Variants in COL25A1 observed in about 807,000 individuals in gnomAD.
COL25A1 encodes the protein collagen type XXV alpha 1 chain, also known as collagen alpha-1(XXV) chain.
In COL25A1, 103 loss-of-function variants were observed where a neutral mutation model predicts 128.4. The observed-to-expected ratio is 0.80, with a 90% CI of 0.68 to 0.94. The LOEUF (loss-of-function observed/expected upper bound fraction) is 0.94, where lower values mean the gene tolerates loss of function less well. Ranked by LOEUF, COL25A1 falls within the 40% of genes least tolerant of loss-of-function variation. The pLI, the probability that COL25A1 is intolerant of heterozygous loss-of-function variation, is 0.00. For missense variants in COL25A1, 745 were observed against 840.0 expected (o/e 0.89, Z 1.40); for synonymous variants, 279 against 277.2 (o/e 1.01, Z -0.06).
intron 6 of COL25A1, among the ~76,000 whole-genome samples, chr4:108,995,278 C>T (rs1249026544): frequency 6.6e-6 from 1 of 152,114 alleles, no homozygotes; most frequent in Non-Finnish European, 1.5e-5. Context: ...GCTTAAATGA[C>T]CTGATGGAGC....
At chr4:109,004,940 C>T (rs1426858260) in intron 6 of COL25A1, among the ~76,000 whole-genome samples, 2 of 23,018 alleles carry the variant, frequency 8.7e-5, no homozygotes, top group African/African-American at 2.2e-4. Flanking sequence ...AACATTTGCA[C>T]GGGAAAAACA....
chr4:108,816,305 G>A, intron 37 of COL25A1, among the ~76,000 whole-genome samples: 1 of 152,166 alleles, frequency 6.6e-6, no homozygotes, highest in East Asian at 1.9e-4. Context: ...GCTAAGGTAA[G>A]AGGCAACTAG....
intron 3 of COL25A1, among the ~76,000 whole-genome samples, chr4:109,149,897 A>G (rs936035925): frequency 3.3e-5 from 5 of 151,714 alleles, no homozygotes; most frequent in Admixed American, 2.0e-4. Flanking sequence ...ACCTAATTAA[A>G]TTTTCTGGAT....
chr4:109,056,965 T>C (rs1254226249), intron 3 of COL25A1, among the ~76,000 whole-genome samples: 1 of 152,156 alleles, frequency 6.6e-6, no homozygotes, highest in African/African-American at 2.4e-5. Context: ...GCTCAAGCGA[T>C]CCTCCCATCT....
chr4:109,016,747 T>C (rs1173848426), intron 5 of COL25A1, among the ~76,000 whole-genome samples: 1 of 151,410 alleles, frequency 6.6e-6, no homozygotes, highest in African/African-American at 2.4e-5. Flanking sequence ...CTGCTGAGAG[T>C]TGGACACTTG....
At chr4:109,001,618 A>G (rs1376402046) in intron 6 of COL25A1, among the ~76,000 whole-genome samples, 1 of 152,230 alleles carries the variant, frequency 6.6e-6, no homozygotes, top group Non-Finnish European at 1.5e-5. Context: ...TTTGAATCTG[A>G]GCAGAAACTC....
chr4:108,959,530 T>G (rs1409343949), intron 8 of COL25A1, among the ~76,000 whole-genome samples: 1 of 152,116 alleles, frequency 6.6e-6, no homozygotes, highest in Admixed American at 6.6e-5. Context: ...GACCCTGCCC[T>G]AAAAAGAAAT....
intron 3 of COL25A1, among the ~76,000 whole-genome samples, chr4:109,081,162 T>C (rs544755763): frequency 6.6e-6 from 1 of 152,280 alleles, no homozygotes; most frequent in East Asian, 1.9e-4. Context: ...TTAATGTATG[T>C]TTTATGCTTG....
intron 13 of COL25A1, among the ~76,000 whole-genome samples, chr4:108,901,784 GC>G (rs1339411386): frequency 6.6e-6 from 1 of 151,978 alleles, no homozygotes; most frequent in Non-Finnish European, 1.5e-5. Context: ...AGGCTTTTGG[GC>G]AAAAGATGAT....
At chr4:108,914,162 G>C (rs1744593094) in intron 13 of COL25A1, among the ~76,000 whole-genome samples, 1 of 152,138 alleles carries the variant, frequency 6.6e-6, no homozygotes, top group Non-Finnish European at 1.5e-5. Context: ...TCAGCTTTCA[G>C]AATTGGGAAC....
At chr4:108,983,379 G>A (rs1344771366) in intron 6 of COL25A1, among the ~76,000 whole-genome samples, 1 of 152,152 alleles carries the variant, frequency 6.6e-6, no homozygotes, top group Non-Finnish European at 1.5e-5. Context: ...CGATTCAAAT[G>A]TATTCAGAGA....
chr4:108,970,649 T>C (rs1249921229), intron 8 of COL25A1, among the ~76,000 whole-genome samples: 1 of 152,178 alleles, frequency 6.6e-6, no homozygotes, highest in Non-Finnish European at 1.5e-5. Context: ...GTAGATCTGT[T>C]GAACTTATTC....
chr4:109,199,594 A>G (rs1359717962), intron 3 of COL25A1, among the ~76,000 whole-genome samples: 1 of 152,214 alleles, frequency 6.6e-6, no homozygotes, highest in Non-Finnish European at 1.5e-5. Context: ...GAATACAAAG[A>G]TTTTTAAAAC....
chr4:109,169,874 T>C (rs1773428704), intron 3 of COL25A1, among the ~76,000 whole-genome samples: 1 of 152,178 alleles, frequency 6.6e-6, no homozygotes, highest in South Asian at 2.1e-4. Context: ...TGGTATTGTC[T>C]AATTAGCCAC....
chr4:108,929,797 G>C (rs148141251), intron 11 of COL25A1, among the ~76,000 whole-genome samples: 340 of 152,184 alleles, frequency 2.2e-3, no homozygotes, highest in Non-Finnish European at 3.2e-3. Flanking sequence ...CTGCACTGCA[G>C]GCCAGGTGAC....
intron 3 of COL25A1, among the ~76,000 whole-genome samples, chr4:109,197,018 T>C (rs1456697445): frequency 6.6e-6 from 1 of 151,952 alleles, no homozygotes; most frequent in Non-Finnish European, 1.5e-5. Flanking sequence ...ACAGTAAATA[T>C]GTAAAGTCAC....
chr4:109,103,188 CTAT>C (rs1480102383), intron 3 of COL25A1, among the ~76,000 whole-genome samples: 1 of 152,134 alleles, frequency 6.6e-6, no homozygotes, highest in Non-Finnish European at 1.5e-5. Flanking sequence ...TAATACATCA[CTAT>C]GCAAAACAAA....
intron 3 of COL25A1, among the ~76,000 whole-genome samples, chr4:109,256,533 T>C (rs1401623073): frequency 6.6e-6 from 1 of 152,130 alleles, no homozygotes. Flanking sequence ...GAAAAAGCAA[T>C]CAGGGATAAT....
intron 3 of COL25A1, among the ~76,000 whole-genome samples, chr4:109,239,420 ATATT>A (rs1553965401): frequency 3.9e-4 from 49 of 124,328 alleles, no homozygotes; most frequent in Middle Eastern, 4.1e-3. Flanking sequence ...ATATATATAT[ATATT>A]TATTTATTTA....
Sources: allele counts gnomAD v4.1 joint callset (sites outside exome capture counted in the v4.1 genomes callset), GRCh38; gene constraint gnomAD v4.1.1; transcripts MANE v1.5; gene names NCBI Gene and HGNC (gene_info 2026-07-23, HGNC 2026-07-21).